The following PARD3 variants were observed in gnomAD, a reference collection of about 807,000 sequenced individuals.
PARD3 encodes the protein partitioning defective 3 homolog.
In PARD3, 75 loss-of-function variants were observed where a neutral mutation model predicts 155.4. The observed-to-expected ratio is 0.48, with a 90% CI of 0.40 to 0.58. PARD3 has a LOEUF of 0.58. PARD3 is among the 20% of genes least tolerant of loss of function. The probability of loss-of-function intolerance (pLI) is 0.00; values close to 1 mark genes in which losing one functional copy is unlikely to be tolerated. For missense variants in PARD3, 1,642 were observed against 1,721.7 expected (o/e 0.95, Z 0.82); for synonymous variants, 576 against 610.5 (o/e 0.94, Z 0.83).
chr10:34,625,463 G>A (rs1374343545), intron 2 of PARD3, among the ~76,000 whole-genome samples: 1 of 152,238 alleles, frequency 6.6e-6, no homozygotes, highest in Admixed American at 6.5e-5. Flanking sequence ...TGGTGGGCTT[G>A]GGGACTCCAC....
chr10:34,636,126 G>A (rs2092464789), intron 2 of PARD3, among the ~76,000 whole-genome samples: 1 of 152,112 alleles, frequency 6.6e-6, no homozygotes, highest in Admixed American at 6.6e-5. Flanking sequence ...AGAAGAAGAA[G>A]CCAAAACTCT....
intron 22 of PARD3, among the ~76,000 whole-genome samples, chr10:34,265,793 C>T (rs188725889): frequency 8.5e-5 from 13 of 152,266 alleles, no homozygotes; most frequent in East Asian, 3.9e-4. Context: ...TCACTGTCTC[C>T]GGTTAATGAC....
At chr10:34,261,721 GAAGA>G (rs1424889200) in intron 22 of PARD3, among the ~76,000 whole-genome samples, 5 of 103,448 alleles carry the variant, frequency 4.8e-5, no homozygotes, top group African/African-American at 8.0e-5. Context: ...AGGAAGAAAG[GAAGA>G]AAGGAAGGAA....
Position 34,408,411 on chromosome 10 carries a change from T to A in PARD3, c.715-6494A>T, listed in dbSNP as rs1589460292. On this transcript the variant is annotated intron_variant, in intron 5 of 24. Coordinates refer to ENST00000374788, the MANE Select transcript of PARD3 (RefSeq NM_001184785.2). ...TTTTCCTAACTTAATGAGAGACATG[T>A]TAACTATTAGTGAGCTATGGTATCC... Among the ~76,000 whole-genome samples the A allele has an allele frequency of 3.3e-5, 5 of 152,308 alleles. No individual in the cohort carries two copies. In the South Asian group the frequency reaches 1.0e-3, roughly 32 times the overall value.
intron 22 of PARD3, among the ~76,000 whole-genome samples, chr10:34,229,025 C>T (rs1388180360): frequency 6.6e-6 from 1 of 152,020 alleles, no homozygotes; most frequent in East Asian, 1.9e-4. Flanking sequence ...ATGAGGACAT[C>T]ATAACAGTGT....
At chr10:34,504,964 A>C (rs1174451676) in intron 3 of PARD3, among the ~76,000 whole-genome samples, 1 of 152,206 alleles carries the variant, frequency 6.6e-6, no homozygotes. Flanking sequence ...ATAATCCACA[A>C]TATGGGTCTC....
At chr10:34,431,772 G>A (rs188785713) in intron 5 of PARD3, among the ~76,000 whole-genome samples, 6,627 of 114,510 alleles carry the variant, frequency 0.058, 734 homozygotes, top group African/African-American at 0.18. Context: ...AAAAAATGCC[G>A]GGTATGGTGG....
At chr10:34,779,599 C>T (rs1197889218) in intron 1 of PARD3, among the ~76,000 whole-genome samples, 1 of 152,176 alleles carries the variant, frequency 6.6e-6, no homozygotes, top group African/African-American at 2.4e-5. Context: ...CCAGCCTGGG[C>T]GACACAGCGT....
chr10:34,745,431 G>GGAAAGAGGGAGGGAAAGAGAGAGA (rs1835180129), intron 1 of PARD3, among the ~76,000 whole-genome samples: 1 of 146,338 alleles, frequency 6.8e-6, no homozygotes, highest in Non-Finnish European at 1.5e-5. Context: ...AGGGAGGGAG[G>GGAAAGAGGGAGGGAAAGAGAGAGA]GAAAGAGAGA....
intron 1 of PARD3, among the ~76,000 whole-genome samples, chr10:34,753,953 T>C (rs1836378836): frequency 6.6e-6 from 1 of 152,030 alleles, no homozygotes; most frequent in East Asian, 1.9e-4. Flanking sequence ...GTGTTTTTTA[T>C]GATAACGTAG....
At chr10:34,359,363 A>G in intron 13 of PARD3, 46 bp from the exon 14 acceptor site, 2 of 1,368,358 alleles carry the variant, frequency 1.5e-6, no homozygotes, top group Non-Finnish European at 1.0e-6. Context: ...ACAGACTGCT[A>G]TAAAAGAAGT....
intron 2 of PARD3, among the ~76,000 whole-genome samples, chr10:34,662,775 G>A (rs1387116471): frequency 6.6e-6 from 1 of 151,910 alleles, no homozygotes; most frequent in Non-Finnish European, 1.5e-5. Context: ...GGGAGGCTGG[G>A]GCAAGAGAAT....
rs1243887511 is a variant in PARD3, at chr10:34,696,527, A to C, written c.121-108T>G. 1.8e-5 allele frequency: 13 copies of C among 723,626 alleles called. No homozygotes were observed. In the East Asian group the frequency reaches 3.0e-4, roughly 17 times the overall value. The allele number at this position is 723,626 out of a possible 1,614,324, so 44.8% of individuals were successfully genotyped here. A position where few individuals can be genotyped will look rare whatever the true frequency, so the allele number is the denominator to read the frequency against. ...CTGCCCATAAAAAGGAATCAACCTC[A>C]TATCAACAATACTGCAACTGATTAA... is the stretch of plus-strand genomic sequence containing the variant. On this transcript the variant is annotated intron_variant, in intron 1 of 24. Transcript: ENST00000374788.
At chr10:34,401,690 A>T in intron 6 of PARD3, 136 bp downstream of exon 6, 1 of 699,840 alleles carries the variant, frequency 1.4e-6, no homozygotes, top group Non-Finnish European at 2.6e-6. Flanking sequence ...GATGTTCTTT[A>T]GAAAAACAAA....
intron 2 of PARD3, among the ~76,000 whole-genome samples, chr10:34,567,368 C>T (rs1222047076): frequency 6.6e-6 from 1 of 152,056 alleles, no homozygotes; most frequent in East Asian, 1.9e-4. Context: ...TGGAGACTAA[C>T]GAGACTATTT....
chr10:34,448,230 GACA>G (rs1319802397), intron 5 of PARD3, among the ~76,000 whole-genome samples: 1 of 151,354 alleles, frequency 6.6e-6, no homozygotes, highest in Admixed American at 6.6e-5. Flanking sequence ...TGACATTTGT[GACA>G]ACATGGATGA....
At chr10:34,655,122 T>C (rs1369988789) in intron 2 of PARD3, among the ~76,000 whole-genome samples, 2 of 151,454 alleles carry the variant, frequency 1.3e-5, no homozygotes, top group Admixed American at 1.3e-4. Flanking sequence ...AAGTGACTTT[T>C]ATGTGCCTTA....
intron 1 of PARD3, among the ~76,000 whole-genome samples, chr10:34,710,878 T>C (rs1185603894): frequency 6.6e-6 from 1 of 152,140 alleles, no homozygotes; most frequent in Admixed American, 6.5e-5. Flanking sequence ...AAATCCAGTT[T>C]ATAAACCATC....
rs868794372 is a variant in PARD3 at position 34,532,915 on chromosome 10, G to C, written c.223-15756C>G. Among the ~76,000 whole-genome samples the C allele has an allele frequency of 3.5e-4, 54 of 152,218 alleles. 1 individual carries two copies. The highest frequency in any genetic ancestry group is 6.8e-3 in the Middle Eastern group (2 of 294). On this transcript the variant is annotated intron_variant, in intron 2 of 24. Transcript: ENST00000374788. ...ATTTCATTGTTGTGTGAACATCATA[G>C]AGTATATTACATAAACCTGGAGGTA...
Sources: allele counts gnomAD v4.1 joint callset (sites outside exome capture counted in the v4.1 genomes callset), GRCh38; gene constraint gnomAD v4.1.1; transcripts MANE v1.5; gene names NCBI Gene and HGNC (gene_info 2026-07-23, HGNC 2026-07-21).